Variants in ZBTB8OS observed in about 807,000 individuals in gnomAD.
ZBTB8OS encodes tRNA splicing ligase complex subunit 1.
In ZBTB8OS, 16 loss-of-function variants were observed where a neutral mutation model predicts 29.3. The ratio of observed to expected loss-of-function variants is 0.55; its 90% CI spans 0.37 to 0.83. The LOEUF (loss-of-function observed/expected upper bound fraction) is 0.83. ZBTB8OS is among the 40% of genes least tolerant of loss of function. The probability of loss-of-function intolerance (pLI) is 0.00; values close to 1 mark genes in which losing one functional copy is unlikely to be tolerated. For missense variants in ZBTB8OS, 160 were observed against 196.9 expected, an observed-to-expected ratio of 0.81 and a Z score of 1.12; for synonymous variants, 70 against 64.6, an observed-to-expected ratio of 1.08 and a Z score of -0.40.
At chr1:32,633,797 T>A (rs1466708629) in intron 3 of ZBTB8OS, 70 bp from the exon 4 acceptor site, 1 of 1,474,006 alleles carries the variant, frequency 6.8e-7, no homozygotes, top group Admixed American at 2.2e-5. Context: ...AAAAGTGCAA[T>A]AAATAAATGT....
intron 1 of ZBTB8OS, among the ~76,000 whole-genome samples, chr1:32,635,823 A>T (rs1645909973): frequency 6.6e-6 from 1 of 152,048 alleles, no homozygotes; most frequent in African/African-American, 2.4e-5. Flanking sequence ...TCATGGTTAG[A>T]CTCTGAAACA....
chr1:32,631,149 A>T (rs1645522281), intron 5 of ZBTB8OS, among the ~76,000 whole-genome samples: 1 of 152,094 alleles, frequency 6.6e-6, no homozygotes, highest in Non-Finnish European at 1.5e-5. Context: ...TGAGCCCAGG[A>T]GTTTGAGACC....
intron 1 of ZBTB8OS, among the ~76,000 whole-genome samples, chr1:32,643,070 C>CTTTTTT (rs71006346): frequency 9.3e-6 from 1 of 107,510 alleles, no homozygotes; most frequent in Non-Finnish European, 1.8e-5. Context: ...CGTGCCTGGC[C>CTTTTTT]TTTTTTTTTT....
intron 2 of ZBTB8OS, chr1:32,634,535 T>C: frequency 1.8e-6 from 1 of 567,176 alleles, no homozygotes; most frequent in Non-Finnish European, 3.1e-6. Flanking sequence ...CTTATTTTTA[T>C]TTTTTATTTT....
chr1:32,627,737 C>G (rs1478171080), intron 5 of ZBTB8OS, 193 bp from the exon 6 acceptor site: 1 of 592,896 alleles, frequency 1.7e-6, no homozygotes, highest in Admixed American at 3.1e-5. Flanking sequence ...ATCATTTGCT[C>G]TCAAGGTTGA....
intron 5 of ZBTB8OS, among the ~76,000 whole-genome samples, chr1:32,628,148 G>A (rs1353039329): frequency 2.0e-5 from 3 of 147,380 alleles, no homozygotes; most frequent in East Asian, 4.1e-4. Context: ...AGTTGAGGTC[G>A]GCAGTTTGAG....
At chr1:32,635,240 T>A (rs1472949953) in intron 1 of ZBTB8OS, among the ~76,000 whole-genome samples, 1 of 151,574 alleles carries the variant, frequency 6.6e-6, no homozygotes, top group East Asian at 1.9e-4. Flanking sequence ...TCCCATTGGA[T>A]CTCTCCTCTC....
intron 4 of ZBTB8OS, chr1:32,632,094 C>T: frequency 3.9e-6 from 1 of 258,896 alleles, no homozygotes; most frequent in Non-Finnish European, 7.3e-6. Context: ...CTCCACCTCC[C>T]AGGTTCAAGC....
At chr1:32,630,320 A>T (rs1645448067) in intron 5 of ZBTB8OS, among the ~76,000 whole-genome samples, 1 of 152,080 alleles carries the variant, frequency 6.6e-6, no homozygotes, top group African/African-American at 2.4e-5. Flanking sequence ...TGAACTCTGG[A>T]GGCAGAGGTT....
chr1:32,650,598 G>C, upstream of ZBTB8OS: 3 of 1,612,240 alleles, frequency 1.9e-6, no homozygotes, highest in Non-Finnish European at 2.5e-6. Context: ...TACTACTTCC[G>C]CTCTAGACTC....
In ZBTB8OS at chr1:32,621,591, G is replaced by A; in HGVS notation, c.*271C>T. 1 of 390,300 alleles carries A rather than the reference G, an allele frequency of 2.6e-6. No individual in the cohort carries two copies. The highest frequency in any genetic ancestry group is 4.6e-6 in the Non-Finnish European group (1 of 219,148). 24.2% of individuals were successfully genotyped at this position (390,300 alleles called of 1,614,324 possible). On this transcript the variant is annotated 3_prime_UTR_variant, in exon 7 of 7. Transcript: ENST00000468695. ...CTTGCATTGCACTGGAAGGGCATGA[G>A]GCACACCTACTGCCACAGCAGAGAA...
intron 5 of ZBTB8OS, chr1:32,627,886 A>G: frequency 9.6e-6 from 2 of 208,748 alleles, no homozygotes; most frequent in Non-Finnish European, 1.9e-5. Flanking sequence ...AATTAAAAAA[A>G]TAAAAAAAGT....
intron 1 of ZBTB8OS, among the ~76,000 whole-genome samples, chr1:32,636,339 T>G (rs1023823164): frequency 1.3e-5 from 2 of 152,216 alleles, no homozygotes; most frequent in African/African-American, 2.4e-5. Flanking sequence ...CCCATCTTGA[T>G]GAATCGGCTT....
upstream of ZBTB8OS, chr1:32,650,615 T>C (rs770443458): frequency 4.3e-6 from 7 of 1,610,496 alleles, no homozygotes; most frequent in African/African-American, 9.4e-5. Context: ...ACTCCGCCCC[T>C]TGGCGCACAC....
At chr1:32,637,103 C>T (rs1468494225) in intron 1 of ZBTB8OS, among the ~76,000 whole-genome samples, 2 of 152,022 alleles carry the variant, frequency 1.3e-5, no homozygotes, top group Non-Finnish European at 2.9e-5. Context: ...TCTGACTCTA[C>T]TAAGTCCCCC....
Position 32,631,832 on chromosome 1 carries a change from T to G in ZBTB8OS, c.375A>C (p.Ser125=), listed in dbSNP as rs1331141292. 2 of 1,595,330 alleles carry G rather than the reference T, an allele frequency of 1.3e-6. No individual in the cohort carries two copies. The highest frequency in any genetic ancestry group is 2.7e-5 in the African/African-American group (2 of 74,174). The stretch of plus-strand genomic sequence containing the variant: ...AAAAGACTTTCAAAACTTACCCAAT[T>G]GATCGTAATTTGAAATTTCTTTGAT... ...SIDQRNFKLR[S]IGWGEEFSLS... Residue 125 remains serine, a synonymous_variant, in exon 5 of 7, where the codon TCA becomes TCC. Coordinates refer to ENST00000468695, the MANE Select transcript of ZBTB8OS (RefSeq NM_178547.5).
intron 1 of ZBTB8OS, among the ~76,000 whole-genome samples, chr1:32,636,293 G>A (rs1207603951): frequency 6.6e-6 from 1 of 152,214 alleles, no homozygotes; most frequent in Non-Finnish European, 1.5e-5. Flanking sequence ...AGCACAACCA[G>A]CTCTGCGTAA....
At chr1:32,637,684 T>A (rs995417208) in intron 1 of ZBTB8OS, among the ~76,000 whole-genome samples, 2 of 151,974 alleles carry the variant, frequency 1.3e-5, no homozygotes, top group East Asian at 3.8e-4. Context: ...AAGTGGAGGA[T>A]TGACTGGAAA....
chr1:32,636,209 G>A (rs1282639675), intron 1 of ZBTB8OS, among the ~76,000 whole-genome samples: 4 of 152,066 alleles, frequency 2.6e-5, no homozygotes, highest in Non-Finnish European at 5.9e-5. Flanking sequence ...GCCCCTACCA[G>A]CCAAATTGTC....
Sources: allele counts gnomAD v4.1 joint callset (sites outside exome capture counted in the v4.1 genomes callset), GRCh38; gene constraint gnomAD v4.1.1; transcripts MANE v1.5; gene names NCBI Gene and HGNC (gene_info 2026-07-23, HGNC 2026-07-21).